SPAG16: variants seen among roughly 807,000 people sequenced by gnomAD.
SPAG16 encodes sperm-associated antigen 16 protein.
Under a neutral mutation model 80.4 loss-of-function variants are expected in SPAG16, and 86 were observed. That is an observed-to-expected ratio of 1.07 (90% CI 0.90 to 1.28). The LOEUF (loss-of-function observed/expected upper bound fraction) is 1.28. SPAG16 is among the 50% of genes most tolerant of loss of function. The pLI is 0.00. For synonymous variants in SPAG16, 294 were observed against 265.9 expected (o/e 1.11, Z -1.03); for missense variants, 870 against 765.3 (o/e 1.14, Z -1.61).
intron 10 of SPAG16, among the ~76,000 whole-genome samples, chr2:213,804,933 G>A (rs924663610): frequency 1.3e-5 from 2 of 152,106 alleles, no homozygotes; most frequent in Non-Finnish European, 2.9e-5. Context: ...TCAGAGCAAC[G>A]GAAGCCATTC....
chr2:213,310,964 T>C (rs980588785), intron 4 of SPAG16, among the ~76,000 whole-genome samples: 20 of 151,846 alleles, frequency 1.3e-4, no homozygotes, highest in Admixed American at 3.3e-4. Context: ...TAAATAAATT[T>C]GCAATGTATG....
intron 4 of SPAG16, 107 bp downstream of exon 4, chr2:213,310,284 C>A: frequency 1.6e-6 from 1 of 606,808 alleles, no homozygotes; most frequent in Non-Finnish European, 2.7e-6. Flanking sequence ...TGAAAAATGA[C>A]TAGAAACTTT....
chr2:214,003,096 T>A (rs2046868686), intron 12 of SPAG16, among the ~76,000 whole-genome samples: 1 of 152,200 alleles, frequency 6.6e-6, no homozygotes, highest in Admixed American at 6.6e-5. Context: ...AACCTGAAGT[T>A]GCTGAATGTG....
At chr2:213,986,643 A>G (rs1044848240) in intron 12 of SPAG16, among the ~76,000 whole-genome samples, 104 of 152,080 alleles carry the variant, frequency 6.8e-4, no homozygotes, top group Middle Eastern at 3.4e-3. Context: ...GACAGAAATA[A>G]CATATGCTGT....
At chr2:213,956,044 G>A (rs954536297) in intron 12 of SPAG16, among the ~76,000 whole-genome samples, 9 of 151,612 alleles carry the variant, frequency 5.9e-5, no homozygotes, top group East Asian at 1.9e-4. Flanking sequence ...TGCAATCTCC[G>A]CCTCCCAGGT....
rs1702224756 is a variant in SPAG16 at position 214,410,234 on chromosome 2, G to C, written c.1815G>C (p.Glu605Asp). The C allele has an allele frequency of 1.9e-6, 3 of 1,613,236 alleles. No homozygotes were observed. Among genetic ancestry groups the C allele is most frequent in the Admixed American group, 3.3e-5 (2 of 59,976 alleles). The change falls in exon 16 of 16, where the codon GAG (glutamate) becomes GAC (aspartate). Residue 605 changes from glutamate to aspartate, a missense_variant. By Grantham distance (45) the Glu-to-Asp change is conservative (BLOSUM62 2). Coordinates refer to ENST00000331683, the MANE Select transcript of SPAG16 (RefSeq NM_024532.5). ...ACAAATTGATGGGCCACGAAAACGA[G>C]GCACACACGGTTGTGTTTTCTCACG... ...EIHKLMGHEN[E>D]AHTVVFSHDG...
intron 10 of SPAG16, among the ~76,000 whole-genome samples, chr2:213,641,131 TG>T (rs1191763251): frequency 2.0e-5 from 3 of 151,958 alleles, no homozygotes; most frequent in Admixed American, 6.6e-5. Flanking sequence ...GTGGGGAATG[TG>T]GGGGTTGTTC....
chr2:213,867,148 A>G (rs1239229164), intron 11 of SPAG16, among the ~76,000 whole-genome samples: 1 of 152,218 alleles, frequency 6.6e-6, no homozygotes, highest in African/African-American at 2.4e-5. Flanking sequence ...AACTTTCGTC[A>G]CAGTGTAACT....
At chr2:213,310,317 ACAACACAC>A (rs2063130371) in intron 4 of SPAG16, 140 bp downstream of exon 4, 1 of 450,674 alleles carries the variant, frequency 2.2e-6, no homozygotes, top group Non-Finnish European at 4.0e-6. Flanking sequence ...CCCTGAAACC[ACAACACAC>A]ACACACACAC....
chr2:214,137,525 G>A (rs557591442), intron 14 of SPAG16, among the ~76,000 whole-genome samples: 8 of 152,098 alleles, frequency 5.3e-5, no homozygotes, highest in African/African-American at 1.9e-4. Context: ...TGACAAATTT[G>A]TATCTTATTG....
chr2:213,759,636 G>A (rs2068540268), intron 10 of SPAG16, among the ~76,000 whole-genome samples: 1 of 150,746 alleles, frequency 6.6e-6, no homozygotes, highest in Non-Finnish European at 1.5e-5. Context: ...TATATACAAG[G>A]AAATGAGAAA....
chr2:213,923,820 G>A (rs2078333835), intron 11 of SPAG16: 1 of 152,514 alleles, frequency 6.6e-6, no homozygotes, highest in Admixed American at 6.5e-5. Flanking sequence ...TTCCAGCTGA[G>A]CTCACATAGA....
At chr2:213,315,134 ATTAC>A (rs2063346853) in intron 4 of SPAG16, among the ~76,000 whole-genome samples, 2 of 151,892 alleles carry the variant, frequency 1.3e-5, no homozygotes, top group South Asian at 4.1e-4. Flanking sequence ...TAATAACCTT[ATTAC>A]TTGAAATATT....
chr2:214,210,942 G>C (rs1169421414), intron 15 of SPAG16, among the ~76,000 whole-genome samples: 3 of 151,824 alleles, frequency 2.0e-5, no homozygotes, highest in African/African-American at 7.3e-5. Flanking sequence ...TATTTATCTA[G>C]AATATCTGAC....
In SPAG16 at chr2:214,011,310, C is replaced by T. The variant is rs975598440; in HGVS notation, c.1401-2641C>T. 4.1e-5 allele frequency among the ~76,000 whole-genome samples: 6 copies of T among 145,920 alleles called. 1 individual carries two copies. The highest frequency in any genetic ancestry group is 7.4e-5 in the Non-Finnish European group (5 of 67,182). ...TTAAAAATAGCAGGTAAAATTTGTA[C>T]ATAAAACAGTAATTTTTTAAAAGAA... is the stretch of plus-strand genomic sequence containing the variant. On this transcript the variant is annotated intron_variant, in intron 12 of 15. Coordinates refer to ENST00000331683, the MANE Select transcript of SPAG16 (RefSeq NM_024532.5).
chr2:213,596,895 A>T (rs2060901713), intron 10 of SPAG16, among the ~76,000 whole-genome samples: 1 of 152,108 alleles, frequency 6.6e-6, no homozygotes, highest in African/African-American at 2.4e-5. Flanking sequence ...TCTTGCAAGG[A>T]GAAAATATAG....
chr2:213,951,345 T>C (rs1343645286), intron 12 of SPAG16, among the ~76,000 whole-genome samples: 1 of 152,154 alleles, frequency 6.6e-6, no homozygotes, highest in Non-Finnish European at 1.5e-5. Context: ...ATAAACTAAA[T>C]TTTAAAATTC....
At chr2:214,331,870 G>A (rs909090238) in intron 15 of SPAG16, among the ~76,000 whole-genome samples, 3 of 152,222 alleles carry the variant, frequency 2.0e-5, no homozygotes, top group African/African-American at 7.2e-5. Context: ...AAAGCTTTGT[G>A]TGCAGAAAAT....
intron 12 of SPAG16, among the ~76,000 whole-genome samples, chr2:214,001,797 A>C (rs1160572303): frequency 6.6e-6 from 1 of 152,196 alleles, no homozygotes; most frequent in Non-Finnish European, 1.5e-5. Flanking sequence ...CTCAATGGTA[A>C]ACTATTTCTT....
Sources: allele counts gnomAD v4.1 joint callset (sites outside exome capture counted in the v4.1 genomes callset), GRCh38; gene constraint gnomAD v4.1.1; transcripts MANE v1.5; gene names NCBI Gene and HGNC (gene_info 2026-07-23, HGNC 2026-07-21).